Variants in IKZF3 observed in about 807,000 individuals in gnomAD.
The protein encoded by IKZF3 is zinc finger protein Aiolos.
A neutral mutation model predicts 49.0 loss-of-function variants in IKZF3; 10 were observed. The ratio of observed to expected loss-of-function variants is 0.20; its 90% CI spans 0.13 to 0.35. IKZF3 has a LOEUF of 0.35. IKZF3 is among the 10% of genes least tolerant of loss of function. The pLI is 1.00. For synonymous variants in IKZF3, 209 were observed against 228.2 expected, an observed-to-expected ratio of 0.92 and a Z score of 0.76; for missense variants, 498 against 664.8, an observed-to-expected ratio of 0.75 and a Z score of 2.76.
At chr17:39,829,625 A>G (rs556260641) in intron 2 of IKZF3, 137 bp from the exon 3 acceptor site, 1 of 611,986 alleles carries the variant, frequency 1.6e-6, no homozygotes, top group East Asian at 2.9e-5. Context: ...ACACATACCC[A>G]AAAGGGATGT....
intron 6 of IKZF3, among the ~76,000 whole-genome samples, chr17:39,787,135 A>G (rs1313844643): frequency 6.6e-6 from 1 of 152,222 alleles, no homozygotes; most frequent in Admixed American, 6.5e-5. Context: ...GTTTGTACCT[A>G]TTCTAAATAA....
intron 3 of IKZF3, among the ~76,000 whole-genome samples, chr17:39,826,592 T>C (rs1180316270): frequency 6.6e-6 from 1 of 152,212 alleles, no homozygotes; most frequent in Non-Finnish European, 1.5e-5. Flanking sequence ...GACTCTCATA[T>C]GGGACAAAGC....
intron 3 of IKZF3, 76 bp from the exon 4 acceptor site, chr17:39,793,009 C>T: frequency 1.4e-6 from 2 of 1,396,334 alleles, no homozygotes; most frequent in East Asian, 2.3e-5. Flanking sequence ...AGCAGAGACC[C>T]ACAACTGACA....
At chr17:39,844,354 T>C (rs1346818914) in intron 1 of IKZF3, among the ~76,000 whole-genome samples, 5 of 152,220 alleles carry the variant, frequency 3.3e-5, no homozygotes, top group South Asian at 2.1e-4. Flanking sequence ...ATTTCTCCTG[T>C]TATTTGAACA....
intron 3 of IKZF3, among the ~76,000 whole-genome samples, chr17:39,807,737 T>C (rs1354259897): frequency 1.3e-5 from 2 of 151,726 alleles, no homozygotes; most frequent in Admixed American, 6.6e-5. Context: ...TGCAGCAACA[T>C]AGATGAACTT....
intron 7 of IKZF3, among the ~76,000 whole-genome samples, chr17:39,767,081 G>A (rs372380520): frequency 9.2e-5 from 14 of 152,180 alleles, no homozygotes; most frequent in Admixed American, 3.3e-4. Context: ...AAACTCACCC[G>A]TCCTGGCTGA....
At chr17:39,770,617 T>C (rs73985219) in intron 7 of IKZF3, among the ~76,000 whole-genome samples, 5,272 of 152,054 alleles carry the variant, frequency 0.035, 301 homozygotes, top group African/African-American at 0.12. Context: ...GTCTGCAGGG[T>C]TGAGGGGGAA....
chr17:39,801,598 A>C (rs2061319166), intron 3 of IKZF3, among the ~76,000 whole-genome samples: 1 of 152,314 alleles, frequency 6.6e-6, no homozygotes, highest in South Asian at 2.1e-4. Flanking sequence ...TAATGTCTAT[A>C]CTTCTCTCCC....
chr17:39,807,464 A>G (rs949064536), intron 3 of IKZF3, among the ~76,000 whole-genome samples: 1 of 147,994 alleles, frequency 6.8e-6, no homozygotes, highest in East Asian at 2.0e-4. Context: ...CGGCATGATC[A>G]TGGCTCACTA....
chr17:39,828,635 T>C (rs1474322295), intron 3 of IKZF3, among the ~76,000 whole-genome samples: 2 of 152,178 alleles, frequency 1.3e-5, no homozygotes, highest in South Asian at 2.1e-4. Flanking sequence ...GGGAGAGTAC[T>C]GTGCAGTACT....
intron 1 of IKZF3, among the ~76,000 whole-genome samples, chr17:39,857,962 TAAA>T (rs35840686): frequency 8.5e-6 from 1 of 117,092 alleles, no homozygotes; most frequent in Non-Finnish European, 1.9e-5. Flanking sequence ...TCTCAAAAAT[TAAA>T]AAAAAAAAAA....
intron 1 of IKZF3, chr17:39,839,267 T>C (rs1386551474): frequency 5.3e-6 from 2 of 375,058 alleles, no homozygotes; most frequent in Admixed American, 3.5e-5. Flanking sequence ...CAATAAAACA[T>C]GTTCAACTCT....
chr17:39,845,634 C>CA (rs1396940044), intron 1 of IKZF3, among the ~76,000 whole-genome samples: 4 of 152,042 alleles, frequency 2.6e-5, no homozygotes, highest in Admixed American at 2.6e-4. Flanking sequence ...GTAGTTGTGA[C>CA]AGAGACCATA....
At chr17:39,837,123 G>A (rs1207068103) in intron 1 of IKZF3, among the ~76,000 whole-genome samples, 4 of 151,792 alleles carry the variant, frequency 2.6e-5, no homozygotes, top group Admixed American at 6.6e-5. Context: ...TTGTAGGGAC[G>A]GGGGTCTCAC....
At chr17:39,831,705 G>T (rs2144307889) in intron 2 of IKZF3, among the ~76,000 whole-genome samples, 1 of 152,278 alleles carries the variant, frequency 6.6e-6, no homozygotes, top group Middle Eastern at 3.4e-3. Context: ...TATGTGGCCT[G>T]CAAAGTCTAA....
At chr17:39,827,190 G>A (rs1436779427) in intron 3 of IKZF3, among the ~76,000 whole-genome samples, 1 of 151,754 alleles carries the variant, frequency 6.6e-6, no homozygotes, top group East Asian at 1.9e-4. Flanking sequence ...TAGAGATGGG[G>A]TTTAACCAGT....
intron 1 of IKZF3, among the ~76,000 whole-genome samples, chr17:39,860,679 T>A (rs2063191723): frequency 6.6e-6 from 1 of 152,200 alleles, no homozygotes; most frequent in African/African-American, 2.4e-5. Context: ...TGGACTGTTA[T>A]GAATTAATGT....
At chr17:39,827,845 G>A (rs557956260) in intron 3 of IKZF3, among the ~76,000 whole-genome samples, 1 of 152,322 alleles carries the variant, frequency 6.6e-6, no homozygotes, top group Admixed American at 6.5e-5. Context: ...CTAAAATAGG[G>A]TAAGGTATAG....
In IKZF3 at chr17:39,791,441, G is replaced by A. The variant is rs543466084; in HGVS notation, c.567C>T (p.Leu189=). 3.7e-6 allele frequency: 6 copies of A among 1,613,916 alleles called. No individual in the cohort carries two copies. Among genetic ancestry groups the A allele is most frequent in the South Asian group, 1.1e-5 (1 of 91,046 alleles). ...CNYACQRRDA[L]TGHLRTHSVE... ...CAGAATGTGTCCTAAGATGCCCCGT[G>A]AGCGCATCTCTTCTTTGGCATGCAT... The change falls in exon 5 of 8, where the codon CTC becomes CTT. Residue 189 remains leucine, a synonymous_variant. Coordinates refer to ENST00000346872, the MANE Select transcript of IKZF3 (RefSeq NM_012481.5).
Sources: allele counts gnomAD v4.1 joint callset (sites outside exome capture counted in the v4.1 genomes callset), GRCh38; gene constraint gnomAD v4.1.1; transcripts MANE v1.5; gene names NCBI Gene and HGNC (gene_info 2026-07-23, HGNC 2026-07-21).